Variants in CHN1 observed in about 807,000 individuals in gnomAD.
The protein encoded by CHN1 is N-chimaerin.
In CHN1, 37 loss-of-function variants were observed where a neutral mutation model predicts 59.5. The ratio of observed to expected loss-of-function variants is 0.62; its 90% confidence interval spans 0.48 to 0.82. The LOEUF (loss-of-function observed/expected upper bound fraction) is 0.82. CHN1 is among the 40% of genes least tolerant of loss of function. The pLI is 0.00. For synonymous variants in CHN1, 206 were observed against 200.4 expected, an observed-to-expected ratio of 1.03 and a Z score of -0.24; for missense variants, 469 against 571.0, an observed-to-expected ratio of 0.82 and a Z score of 1.82.
At chr2:174,817,464 ATT>A (rs776503923) in intron 8 of CHN1, among the ~76,000 whole-genome samples, 45 of 139,736 alleles carry the variant, frequency 3.2e-4, no homozygotes, top group Admixed American at 3.6e-4. Context: ...TCATCCCCCA[ATT>A]TTTTTTTTTT....
At chr2:174,877,400 C>T (rs969900679) in intron 6 of CHN1, among the ~76,000 whole-genome samples, 1 of 151,904 alleles carries the variant, frequency 6.6e-6, no homozygotes, top group Admixed American at 6.6e-5. Context: ...ACATAATATA[C>T]ACACACACAT....
intron 7 of CHN1, among the ~76,000 whole-genome samples, chr2:174,845,789 G>T (rs569302621): frequency 2.7e-5 from 3 of 111,490 alleles, no homozygotes; most frequent in African/African-American, 6.8e-5. Flanking sequence ...GGTGGGGGGG[G>T]GGGTGTTGGT....
chr2:174,957,811 C>A (rs1690261472), intron 1 of CHN1, among the ~76,000 whole-genome samples: 1 of 151,990 alleles, frequency 6.6e-6, no homozygotes, highest in Non-Finnish European at 1.5e-5. Flanking sequence ...GAGGTCTAGA[C>A]CTTGCCTTCA....
chr2:174,987,610 A>G (rs1006799410), intron 1 of CHN1, among the ~76,000 whole-genome samples: 3 of 151,830 alleles, frequency 2.0e-5, no homozygotes, highest in African/African-American at 7.3e-5. Flanking sequence ...TAATTTTTGT[A>G]TTTGTAGTAC....
Position 174,799,997 on chromosome 2 carries a change from T to A in CHN1, c.*119A>T. On this transcript the variant is annotated 3_prime_UTR_variant, in exon 13 of 13. Coordinates refer to ENST00000409900, the MANE Select transcript of CHN1 (RefSeq NM_001822.7). ...AAAACAACAGAAAGTTCCTTCACTT[T>A]AATCTGGTTATATGCCCAAACCTCT... 1 of 966,676 alleles carries A rather than the reference T, an allele frequency of 1.0e-6. No individual in the cohort carries two copies. Among genetic ancestry groups the A allele is most frequent in the Non-Finnish European group, 1.6e-6 (1 of 627,752 alleles). The allele number at this position is 966,676 out of a possible 1,614,324, so 59.9% of individuals were successfully genotyped here. A position where few individuals can be genotyped will look rare whatever the true frequency, so the allele number is the denominator to read the frequency against.
chr2:174,972,407 T>C (rs1444651298), intron 1 of CHN1, among the ~76,000 whole-genome samples: 1 of 152,190 alleles, frequency 6.6e-6, no homozygotes, highest in Non-Finnish European at 1.5e-5. Context: ...CAGTAATCCC[T>C]AACCCAATTT....
At chr2:174,971,886 A>G (rs1035914272) in intron 1 of CHN1, among the ~76,000 whole-genome samples, 1 of 152,230 alleles carries the variant, frequency 6.6e-6, no homozygotes, top group African/African-American at 2.4e-5. Context: ...AAGCCAAAAT[A>G]CAAAGCCAAA....
intron 5 of CHN1, among the ~76,000 whole-genome samples, chr2:174,894,771 C>A (rs1401338279): frequency 2.0e-5 from 3 of 152,048 alleles, no homozygotes; most frequent in African/African-American, 7.2e-5. Flanking sequence ...CAGTAGTCCA[C>A]CTCATACATG....
intron 1 of CHN1, among the ~76,000 whole-genome samples, chr2:174,954,671 T>C (rs943023021): frequency 6.6e-6 from 1 of 151,982 alleles, no homozygotes; most frequent in African/African-American, 2.4e-5. Flanking sequence ...GATATACAAA[T>C]AGTCAACAAA....
At chr2:174,893,996 C>T (rs371343072) in intron 5 of CHN1, among the ~76,000 whole-genome samples, 33 of 152,166 alleles carry the variant, frequency 2.2e-4, no homozygotes, top group African/African-American at 7.7e-4. Context: ...AATAGAAGAC[C>T]TGAAACAACA....
In CHN1 at chr2:174,809,056, T is replaced by C. The variant is rs549941864; in HGVS notation, c.965-14A>G. 2 of 1,596,406 alleles carry C rather than the reference T, an allele frequency of 1.3e-6. No homozygotes were observed. Among genetic ancestry groups the C allele is most frequent in the East Asian group, 4.5e-5 (2 of 44,542 alleles). On this transcript the variant is annotated splice_polypyrimidine_tract_variant and intron_variant, in intron 10 of 12. Coordinates refer to ENST00000409900, the MANE Select transcript of CHN1 (RefSeq NM_001822.7). ...CCTTCTCACCATCTTTTAAGGATGTTGAAAGAAATAAAAGTAAATATCTGG... is the reference window on the plus strand; with the variant it reads ...CCTTCTCACCATCTTTTAAGGATGTCGAAAGAAATAAAAGTAAATATCTGG...
chr2:174,824,257 A>G (rs1406793265), intron 8 of CHN1, among the ~76,000 whole-genome samples, 177 bp downstream of exon 8: 1 of 152,232 alleles, frequency 6.6e-6, no homozygotes, highest in Non-Finnish European at 1.5e-5. Context: ...CAGAAGGTTA[A>G]GAGCAGATAA....
intron 1 of CHN1, among the ~76,000 whole-genome samples, 193 bp downstream of exon 1, chr2:175,004,701 G>A (rs1031035096): frequency 1.3e-5 from 2 of 151,890 alleles, no homozygotes; most frequent in Non-Finnish European, 2.9e-5. Flanking sequence ...CATCGGCCCT[G>A]CCGGGAGAGG....
chr2:174,812,099 T>A, intron 9 of CHN1: 1 of 402,242 alleles, frequency 2.5e-6, no homozygotes, highest in African/African-American at 2.0e-5. Context: ...TACAAGCACA[T>A]TGGCTACACT....
At chr2:174,811,448 A>G in intron 10 of CHN1, 63 bp downstream of exon 10, 1 of 1,109,908 alleles carries the variant, frequency 9.0e-7, no homozygotes, top group Non-Finnish European at 1.3e-6. Context: ...CCTCACAAGA[A>G]ATTGTGCCTT....
At chr2:174,828,831 T>A (rs1685779392) in intron 7 of CHN1, among the ~76,000 whole-genome samples, 1 of 151,954 alleles carries the variant, frequency 6.6e-6, no homozygotes, top group Non-Finnish European at 1.5e-5. Context: ...CAACAGAGAG[T>A]GACTTTTGCC....
intron 8 of CHN1, among the ~76,000 whole-genome samples, chr2:174,816,118 G>C (rs769123658): frequency 1.6e-4 from 23 of 140,432 alleles, no homozygotes; most frequent in Non-Finnish European, 2.2e-4. Context: ...GGGCATAGAT[G>C]ATAGAGTTCT....
chr2:174,958,932 C>A (rs1690308317), intron 1 of CHN1, among the ~76,000 whole-genome samples: 1 of 152,112 alleles, frequency 6.6e-6, no homozygotes, highest in African/African-American at 2.4e-5. Flanking sequence ...CCATGTACAC[C>A]TGCTCTGTTA....
chr2:174,904,186 C>T (rs1323175183), intron 5 of CHN1, among the ~76,000 whole-genome samples: 1 of 151,728 alleles, frequency 6.6e-6, no homozygotes, highest in Non-Finnish European at 1.5e-5. Flanking sequence ...TCGCTTGAAC[C>T]CGGGAGGTGG....
Sources: gnomAD v4.1 joint callset for allele counts (sites outside exome capture counted in the v4.1 genomes callset) on GRCh38, gnomAD v4.1.1 for gene constraint, MANE v1.5 for transcripts, NCBI Gene and HGNC (gene_info 2026-07-23, HGNC 2026-07-21) for gene names.